The following RFX1 variants were observed in gnomAD, a reference collection of about 807,000 sequenced individuals.
The protein encoded by RFX1 is regulatory factor X1.
RFX1 carries 42 observed loss-of-function variants against 119.6 expected under a neutral mutation model. That is an observed-to-expected ratio of 0.35 (90% CI 0.27 to 0.45). The LOEUF (loss-of-function observed/expected upper bound fraction) is 0.45. Ranked by LOEUF, RFX1 falls within the 20% of genes least tolerant of loss-of-function variation. RFX1 has a pLI of 1.00. For synonymous variants in RFX1, 628 were observed against 618.5 expected (o/e 1.02, Z -0.23); for missense variants, 1,118 against 1,368.1 (o/e 0.82, Z 2.88).
At position 13,966,599 on chromosome 19, in the gene RFX1, C is replaced by A. The variant is rs1973908844; in HGVS notation, c.1851+34G>T. ...GCCCTCCCATGCCCGTGGCTGCGTC[C>A]CCGTCCACTTGCCTGCCCACCTGGC... On this transcript the variant is annotated intron_variant, in intron 13 of 20. Coordinates refer to ENST00000254325, the MANE Select transcript of RFX1 (RefSeq NM_002918.5). This position sits in a 1 kb window ranked among gnomAD's most constrained non-coding sequence, Gnocchi z 6.3. The A allele has an allele frequency of 6.4e-7, 1 of 1,551,402 alleles. No individual in the cohort carries two copies. The highest frequency in any genetic ancestry group is 8.8e-7 in the Non-Finnish European group (1 of 1,139,198).
chr19:14,002,793 C>T (rs764101341), intron 1 of RFX1, among the ~76,000 whole-genome samples: 18 of 152,202 alleles, frequency 1.2e-4, no homozygotes, highest in Non-Finnish European at 2.6e-4. Context: ...AAGGCAGCAT[C>T]TCTGCGGGCG....
At position 13,983,550 on chromosome 19, in the gene RFX1, C is replaced by T; in HGVS notation, c.365G>A (p.Gly122Asp). 1 of 1,610,964 alleles carries T rather than the reference C, an allele frequency of 6.2e-7. No individual in the cohort carries two copies. The highest frequency in any genetic ancestry group is 8.5e-7 in the Non-Finnish European group (1 of 1,179,474). The change falls in exon 3 of 21, where the codon GGC becomes GAC. Residue 122 changes from glycine (G) to aspartate (D), a missense_variant. Physicochemically the swap from Gly to Asp is moderately conservative, Grantham distance 94 (BLOSUM62 -1). Coordinates refer to ENST00000254325, the MANE Select transcript of RFX1 (RefSeq NM_002918.5). ...AACGCCGGTCTGGCTGGCGGTGGAG[C>T]CGGGGCTGGCCTCCGACACTGTCTC... ...ASETVSEASP[G>D]STASQTGVPT...
In RFX1 at chr19:13,993,676, G is replaced by A. The variant is rs1422362349; in HGVS notation, c.168C>T (p.Thr56=). Residue 56 remains threonine (T), a synonymous_variant, in exon 2 of 21, where the codon ACC becomes ACT. Coordinates refer to ENST00000254325, the MANE Select transcript of RFX1 (RefSeq NM_002918.5). Reference sequence around the variant, plus strand: ...CCTGGGGCTGGGGGCTCTGCAGCTCGGTGACATATTGGGGCTGAGGGGTGG... The same window carrying A: ...CCTGGGGCTGGGGGCTCTGCAGCTCAGTGACATATTGGGGCTGAGGGGTGG... ...AAATPQPQYV[T]ELQSPQPQAQ... 6 of 1,591,492 alleles carry A rather than the reference G, an allele frequency of 3.8e-6. No individual in the cohort carries two copies. The highest frequency in any genetic ancestry group is 1.8e-5 in the Admixed American group (1 of 56,886).
chr19:13,993,606 C>A lies in RFX1; in HGVS notation c.238G>T (p.Ala80Ser). The A allele has an allele frequency of 6.2e-7, 1 of 1,611,168 alleles. No homozygotes were observed. The highest frequency in any genetic ancestry group is 1.1e-5 in the South Asian group (1 of 90,628). ...GQKQYVTELP[A>S]VPAPSQPTGA... ...GTTGGCTGCGAGGGTGCGGGTACAG[C>A]CGGGAGCTCCGTCACGTACTGCTTC... Residue 80 changes from alanine (A) to serine (S), a missense_variant, in exon 2 of 21, where the codon GCT becomes TCT. By Grantham distance (99) the Ala-to-Ser change is moderately conservative. Transcript: ENST00000254325.
chr19:13,979,701 A>T (rs779552998), intron 6 of RFX1, among the ~76,000 whole-genome samples, 159 bp from the exon 7 acceptor site: 2 of 152,152 alleles, frequency 1.3e-5, no homozygotes, highest in Non-Finnish European at 2.9e-5. Flanking sequence ...TCCATTACTG[A>T]TAAAGTGAGG....
intron 9 of RFX1, among the ~76,000 whole-genome samples, chr19:13,971,332 A>G (rs1974071566): frequency 6.6e-6 from 1 of 151,976 alleles, no homozygotes; most frequent in Non-Finnish European, 1.5e-5. Context: ...GCAAAACTCC[A>G]TCTCCAAAAA....
chr19:13,988,886 G>A (rs920023116), intron 2 of RFX1, among the ~76,000 whole-genome samples: 20 of 152,210 alleles, frequency 1.3e-4, no homozygotes, highest in East Asian at 7.7e-4. Flanking sequence ...CCCTGGTGTG[G>A]TGGTGCGCCC....
At chr19:13,991,960 C>A (rs1974821731) in intron 2 of RFX1, among the ~76,000 whole-genome samples, 2 of 152,176 alleles carry the variant, frequency 1.3e-5, no homozygotes, top group African/African-American at 2.4e-5. Flanking sequence ...CCACACCCGG[C>A]CAATTGCTAC....
chr19:13,968,729 G>A lies in RFX1; in HGVS notation c.1616+46C>T. 6 of 1,607,238 alleles carry A rather than the reference G, an allele frequency of 3.7e-6. No individual in the cohort carries two copies. Among genetic ancestry groups the A allele is most frequent in the Non-Finnish European group, 4.2e-6 (5 of 1,177,600 alleles). ...CCGGCTGCTGGGGGCCGGCCTGTGT[G>A]CCCTTCCCCGCCTGCCCTGCCCTGG... On this transcript the variant is annotated intron_variant, in intron 11 of 20. Transcript: ENST00000254325. This position sits in a 1 kb window ranked among gnomAD's most constrained non-coding sequence, Gnocchi z 5.5.
In RFX1 at chr19:13,993,879, T is replaced by G; in HGVS notation, c.-36A>C. The G allele has an allele frequency of 7.2e-7, 1 of 1,389,640 alleles. No homozygotes were observed. Among genetic ancestry groups the G allele is most frequent in the Non-Finnish European group, 9.6e-7 (1 of 1,039,418 alleles). 86.1% of individuals were successfully genotyped at this position (1,389,640 alleles called of 1,614,324 possible). A position where few individuals can be genotyped will look rare whatever the true frequency, so the allele number is the denominator to read the frequency against. On this transcript the variant is annotated 5_prime_UTR_variant, in exon 2 of 21. Coordinates refer to ENST00000254325, the MANE Select transcript of RFX1 (RefSeq NM_002918.5). ...GGGAAAATGATAATAAATAAGGCTT[T>G]TTTTTTTTTTTAATTCCTTGGGAAG...
At chr19:13,974,418 A>AT (rs1974190375) in intron 8 of RFX1, among the ~76,000 whole-genome samples, 1 of 152,172 alleles carries the variant, frequency 6.6e-6, no homozygotes, top group Non-Finnish European at 1.5e-5. Context: ...GTATACAAGT[A>AT]TAAAAACCAC....
In RFX1 at chr19:13,962,977, G is replaced by A. The variant is rs752734917; in HGVS notation, c.2770+17C>T. 2 of 1,550,054 alleles carry A rather than the reference G, an allele frequency of 1.3e-6. No individual in the cohort carries two copies. Among genetic ancestry groups the A allele is most frequent in the Non-Finnish European group, 1.7e-6 (2 of 1,146,412 alleles). ...CCCCCGGGACCCGCGCCCTGGGTGG[G>A]AACACGCCTCGCCTACCTTTGTCGG... is the stretch of plus-strand genomic sequence containing the variant. On this transcript the variant is annotated intron_variant, in intron 20 of 20. Transcript: ENST00000254325.
In RFX1 at chr19:13,982,176, C is replaced by T. The variant is rs1031720688; in HGVS notation, c.566G>A (p.Gly189Asp). 9 of 1,312,208 alleles carry T rather than the reference C, an allele frequency of 6.9e-6. No individual in the cohort carries two copies. Among genetic ancestry groups the T allele is most frequent in the Non-Finnish European group, 7.8e-6 (8 of 1,021,596 alleles). The allele number at this position is 1,312,208 out of a possible 1,614,324, so 81.3% of individuals were successfully genotyped here. The change falls in exon 5 of 21, where the codon GGT becomes GAT. Residue 189 changes from glycine to aspartate, a missense_variant. Coordinates refer to ENST00000254325, the MANE Select transcript of RFX1 (RefSeq NM_002918.5). ...VVQSAAPGSK[G>D]GQVSLTVHGT... ...ATGGACCGTCAGGGAGACCTGGCCACCTTTGCTGCCTGGGGCTGCGCTCTG... is the reference window on the plus strand; with the variant it reads ...ATGGACCGTCAGGGAGACCTGGCCATCTTTGCTGCCTGGGGCTGCGCTCTG...
chr19:14,000,076 A>G (rs757562764), intron 1 of RFX1, among the ~76,000 whole-genome samples: 2 of 152,218 alleles, frequency 1.3e-5, no homozygotes, highest in Non-Finnish European at 2.9e-5. Flanking sequence ...CTTCATCTAT[A>G]GAATGGCTTC....
intron 2 of RFX1, among the ~76,000 whole-genome samples, chr19:13,984,101 C>T (rs1161272849): frequency 1.3e-5 from 2 of 152,198 alleles, no homozygotes; most frequent in Non-Finnish European, 1.5e-5. Context: ...CTCCCTGCCC[C>T]TCTGTCCTCA....
intron 1 of RFX1, among the ~76,000 whole-genome samples, chr19:14,002,450 A>T (rs1332856121): frequency 6.6e-6 from 1 of 152,020 alleles, no homozygotes; most frequent in African/African-American, 2.4e-5. Flanking sequence ...ACGCCACTGC[A>T]CTCCATCCTG....
chr19:13,990,203 G>A lies in RFX1; in HGVS notation c.319+3322C>T, dbSNP rs901698009. Among the ~76,000 whole-genome samples, 6 of 152,080 alleles carry A rather than the reference G, an allele frequency of 3.9e-5. No homozygotes were observed. Among genetic ancestry groups the A allele is most frequent in the African/African-American group, 1.2e-4 (5 of 41,396 alleles). On this transcript the variant is annotated intron_variant, in intron 2 of 20. Transcript: ENST00000254325. The surrounding 1 kb of genome is among the most constrained non-coding windows in gnomAD (Gnocchi z 4.1). ...GAGAGGTTCCCAGGTCTGAGTCTGGGGCTCCCCGTCCTTTGCTGACAAGGT... is the reference window on the plus strand; with the variant it reads ...GAGAGGTTCCCAGGTCTGAGTCTGGAGCTCCCCGTCCTTTGCTGACAAGGT...
rs149654538 is a variant in RFX1, at chr19:13,965,494, G to A, written c.2166C>T (p.Leu722=). 1,262 of 1,614,020 alleles carry A rather than the reference G, an allele frequency of 7.8e-4. 9 individuals carry two copies. The African/African-American group carries it at 0.014, about 18-fold the overall frequency. The change falls in exon 16 of 21, where the codon CTC becomes CTT. Residue 722 remains leucine (L), a synonymous_variant. Coordinates refer to ENST00000254325, the MANE Select transcript of RFX1 (RefSeq NM_002918.5). This position sits in a 1 kb window ranked among gnomAD's most constrained non-coding sequence, Gnocchi z 4.7. ...RNFAKSLESW[L]THAMVNIPEE... ...CGGGGATGTTGACCATGGCGTGGGT[G>A]AGCCAGCTCTCCAGGCTCTTGGCAA...
chr19:13,977,983 T>C lies in RFX1; in HGVS notation c.929+9A>G. 1 of 1,595,706 alleles carries C rather than the reference T, an allele frequency of 6.3e-7. No individual in the cohort carries two copies. Among genetic ancestry groups the C allele is most frequent in the Non-Finnish European group, 8.6e-7 (1 of 1,164,556 alleles). On this transcript the variant is annotated intron_variant, in intron 8 of 20. Coordinates refer to ENST00000254325, the MANE Select transcript of RFX1 (RefSeq NM_002918.5). Reference sequence around the variant, plus strand: ...TGACTCCCTCACCCACCCCTCTCCCTTCACTTACATGGCACTGGCCGTGTA... The same window carrying C: ...TGACTCCCTCACCCACCCCTCTCCCCTCACTTACATGGCACTGGCCGTGTA...
Sources: allele counts gnomAD v4.1 joint callset (sites outside exome capture counted in the v4.1 genomes callset), GRCh38; gene constraint gnomAD v4.1.1; non-coding constraint Gnocchi (gnomAD v3.1); transcripts MANE v1.5; gene names NCBI Gene and HGNC (gene_info 2026-07-23, HGNC 2026-07-21).